Variants in TBC1D5 observed in about 807,000 individuals in gnomAD.
The protein encoded by TBC1D5 is TBC1 domain family, member 5.
Under a neutral mutation model 100.3 loss-of-function variants are expected in TBC1D5, and 75 were observed. The observed-to-expected ratio is 0.75, with a 90% confidence interval of 0.62 to 0.91. The LOEUF (loss-of-function observed/expected upper bound fraction) is 0.91, where lower values mean the gene tolerates loss of function less well. Among genes scored for constraint, TBC1D5 ranks in the 40% least tolerant of loss-of-function variants. TBC1D5 has a pLI of 0.00. For missense variants in TBC1D5, 910 were observed against 942.4 expected (o/e 0.97, Z 0.45); for synonymous variants, 323 against 325.6 (o/e 0.99, Z 0.09).
In TBC1D5 at chr3:17,357,440, A is replaced by C. The variant is rs141651928; in HGVS notation, c.995+14635T>G. ...TGGGAGTGAAAAGTCAAAAATGAAA[A>C]AAATAATGATAGGATTTGGCACTGT... On this transcript the variant is annotated intron_variant, in intron 13 of 21. Coordinates refer to ENST00000253692, the Ensembl canonical transcript of TBC1D5. Among the ~76,000 whole-genome samples, 696 of 152,328 alleles carry C rather than the reference A, an allele frequency of 4.6e-3. 7 individuals are homozygous for C. Among genetic ancestry groups the C allele is most frequent in the African/African-American group, 0.016 (645 of 41,578 alleles).
chr3:17,660,286 T>C (rs559449501), intron 1 of TBC1D5, among the ~76,000 whole-genome samples: 29 of 152,210 alleles, frequency 1.9e-4, no homozygotes, highest in Non-Finnish European at 3.1e-4. Flanking sequence ...AGAACTTTTA[T>C]AATGCTTATA....
chr3:17,421,657 A>G (rs1443425319), intron 4 of TBC1D5, among the ~76,000 whole-genome samples: 2 of 152,196 alleles, frequency 1.3e-5, no homozygotes, highest in Non-Finnish European at 2.9e-5. Flanking sequence ...GACAAGGGCC[A>G]AGTACTTTAC....
At chr3:17,625,989 G>T (rs2063019279) in intron 1 of TBC1D5, among the ~76,000 whole-genome samples, 1 of 151,754 alleles carries the variant, frequency 6.6e-6, no homozygotes, top group South Asian at 2.1e-4. Context: ...TTTAATGTCG[G>T]GCACCAATTA....
At chr3:17,644,181 T>A (rs570703038) in intron 1 of TBC1D5, 3 of 152,242 alleles carry the variant, frequency 2.0e-5, no homozygotes, top group East Asian at 1.9e-4. Context: ...GGAAAGCCCA[T>A]CAATCTAATG....
intron 1 of TBC1D5, among the ~76,000 whole-genome samples, chr3:17,731,961 G>A (rs1220399106): frequency 1.3e-5 from 2 of 152,200 alleles, no homozygotes; most frequent in Admixed American, 1.3e-4. Flanking sequence ...GAGTTATCCA[G>A]TAGGCAATCA....
At chr3:17,522,324 C>T (rs1211254264) in intron 2 of TBC1D5, among the ~76,000 whole-genome samples, 1 of 151,828 alleles carries the variant, frequency 6.6e-6, no homozygotes, top group African/African-American at 2.4e-5. Context: ...TGTAAGAAAA[C>T]TGACATATAT....
At chr3:17,673,930 C>T (rs2068288464) in intron 1 of TBC1D5, among the ~76,000 whole-genome samples, 4 of 152,176 alleles carry the variant, frequency 2.6e-5, no homozygotes, top group Admixed American at 2.6e-4. Flanking sequence ...AAGATACTCT[C>T]ATCAAGGGGC....
intron 15 of TBC1D5, among the ~76,000 whole-genome samples, chr3:17,285,284 G>A (rs1477063436): frequency 7.6e-6 from 1 of 131,518 alleles, no homozygotes; most frequent in Non-Finnish European, 1.6e-5. Flanking sequence ...TTTTTGAGAC[G>A]GAGTCTCGCT....
At chr3:17,525,982 T>C (rs568456885) in intron 2 of TBC1D5, among the ~76,000 whole-genome samples, 1 of 152,300 alleles carries the variant, frequency 6.6e-6, no homozygotes, top group South Asian at 2.1e-4. Flanking sequence ...CTCTCTGAAA[T>C]GCTTCCTAAC....
chr3:17,517,367 A>G (rs559184754), intron 2 of TBC1D5, among the ~76,000 whole-genome samples: 1 of 152,248 alleles, frequency 6.6e-6, no homozygotes, highest in Non-Finnish European at 1.5e-5. Flanking sequence ...GAGAACTGTC[A>G]TAAGTCCTTG....
chr3:17,334,475 T>C (rs2087370927), intron 13 of TBC1D5, among the ~76,000 whole-genome samples: 1 of 152,156 alleles, frequency 6.6e-6, no homozygotes, highest in Non-Finnish European at 1.5e-5. Flanking sequence ...CCCCATTTTA[T>C]AGACGAAGCA....
At chr3:17,320,089 T>C (rs283931) in intron 13 of TBC1D5, among the ~76,000 whole-genome samples, 62,079 of 151,984 alleles carry the variant, frequency 0.41, 13,312 homozygotes, top group Middle Eastern at 0.5. Flanking sequence ...TGATGCTGCA[T>C]TGATTATCTT....
At chr3:17,180,383 T>C (rs1400201290) in intron 19 of TBC1D5, among the ~76,000 whole-genome samples, 1 of 152,216 alleles carries the variant, frequency 6.6e-6, no homozygotes. Context: ...AATTTTTAAC[T>C]GAAAGGATTT....
At chr3:17,481,492 G>A (rs1487750823) in intron 3 of TBC1D5, among the ~76,000 whole-genome samples, 1 of 152,174 alleles carries the variant, frequency 6.6e-6, no homozygotes, top group Non-Finnish European at 1.5e-5. Context: ...TGAAGTAGAG[G>A]TTGCAGTGAG....
chr3:17,350,141 TATTA>T (rs376519784), intron 13 of TBC1D5, among the ~76,000 whole-genome samples: 8 of 152,196 alleles, frequency 5.3e-5, no homozygotes, highest in African/African-American at 1.7e-4. Context: ...GTTGTTGTTG[TATTA>T]ATTGTCATTG....
rs557720450 is a variant in TBC1D5 at position 17,599,210 on chromosome 3, G to A, written c.-36+24639C>T. Among the ~76,000 whole-genome samples, 10 of 152,190 alleles carry A rather than the reference G, an allele frequency of 6.6e-5. No homozygotes were observed. The East Asian group carries it at 1.9e-3, about 30-fold the overall frequency. ...CCCACCCTCAAGCCTGGAAACCACA[G>A]CCCCAAATGAAAAGTTATCCCTGTT... On this transcript the variant is annotated intron_variant, in intron 2 of 21. Transcript: ENST00000253692.
intron 13 of TBC1D5, among the ~76,000 whole-genome samples, chr3:17,355,804 G>C (rs1432951254): frequency 6.6e-6 from 1 of 151,858 alleles, no homozygotes; most frequent in African/African-American, 2.4e-5. Context: ...AGCCAAATGT[G>C]GTGAATGAAC....
chr3:17,324,228 A>C (rs549003397), intron 13 of TBC1D5, among the ~76,000 whole-genome samples: 3 of 152,382 alleles, frequency 2.0e-5, no homozygotes, highest in African/African-American at 7.2e-5. Context: ...AATAGGTAGA[A>C]GAAAATCTTG....
intron 21 of TBC1D5, among the ~76,000 whole-genome samples, chr3:17,161,791 G>A (rs2066084584): frequency 6.6e-6 from 1 of 152,214 alleles, no homozygotes; most frequent in Non-Finnish European, 1.5e-5. Context: ...CTGGCTAGAA[G>A]GATAGCTTTC....
Sources: gnomAD v4.1 joint callset for allele counts (sites outside exome capture counted in the v4.1 genomes callset) on GRCh38, gnomAD v4.1.1 for gene constraint, MANE v1.5 for transcripts, NCBI Gene and HGNC (gene_info 2026-07-23, HGNC 2026-07-21) for gene names.